The following TBX5 variants were observed in gnomAD, a reference collection of about 807,000 sequenced individuals.
TBX5 encodes the protein T-box transcription factor 5.
TBX5 carries 8 observed loss-of-function variants against 51.1 expected under a neutral mutation model. The ratio of observed to expected loss-of-function variants is 0.16; its 90% CI spans 0.09 to 0.28. The LOEUF is 0.28. TBX5 is among the 10% of genes least tolerant of loss of function. TBX5 has a pLI of 1.00. For missense variants in TBX5, 589 were observed against 671.7 expected (o/e 0.88, Z 1.36); for synonymous variants, 302 against 266.4 (o/e 1.13, Z -1.30).
chr12:114,356,975 C>A (rs906607251), intron 8 of TBX5, among the ~76,000 whole-genome samples: 12 of 149,706 alleles, frequency 8.0e-5, no homozygotes, highest in African/African-American at 3.0e-4. Context: ...AGAAAGCATG[C>A]AATAAATATT....
chr12:114,406,811 A>G (rs938966081), upstream of TBX5, among the ~76,000 whole-genome samples: 6 of 151,374 alleles, frequency 4.0e-5, no homozygotes, highest in East Asian at 7.8e-4. Flanking sequence ...TTTCATCTCC[A>G]CTGGTCTCCT....
chr12:114,392,880 G>A (rs558524961), intron 6 of TBX5, among the ~76,000 whole-genome samples: 39 of 152,240 alleles, frequency 2.6e-4, no homozygotes, highest in African/African-American at 6.0e-4. Flanking sequence ...TGGTTCAACA[G>A]GTGGAAGGAT....
intron 8 of TBX5, among the ~76,000 whole-genome samples, chr12:114,356,776 A>G (rs1868941324): frequency 6.6e-6 from 1 of 152,198 alleles, no homozygotes; most frequent in Admixed American, 6.5e-5. Context: ...AGGAAGTAAC[A>G]CATTTAATCA....
intron 3 of TBX5, 48 bp downstream of exon 3, chr12:114,401,778 T>C: frequency 3.8e-6 from 6 of 1,578,994 alleles, no homozygotes; most frequent in Non-Finnish European, 5.2e-6. Flanking sequence ...TCTTCACCTC[T>C]CCCACAATTT....
At chr12:114,400,621 C>T (rs1871749006) in intron 3 of TBX5, among the ~76,000 whole-genome samples, 1 of 152,230 alleles carries the variant, frequency 6.6e-6, no homozygotes, top group African/African-American at 2.4e-5. Flanking sequence ...GTTTATCAGC[C>T]TGAGCGAGCG....
At chr12:114,387,180 C>T (rs548665786) in intron 6 of TBX5, among the ~76,000 whole-genome samples, 1 of 152,118 alleles carries the variant, frequency 6.6e-6, no homozygotes, top group South Asian at 2.1e-4. Flanking sequence ...TTCAAGTATC[C>T]CTAAAAATCA....
At position 114,403,882 on chromosome 12, in the gene TBX5, T is replaced by C; in HGVS notation, c.17A>G (p.Glu6Gly). ...AGGCGTGTGCGCCAGGCCAAAGCCC[T>C]CGTCTGCGTCGGCCATGGTGCGCCC... MADAD[E>G]GFGLAHTPLE... The change falls in exon 2 of 9, where the codon GAG becomes GGG. Residue 6 changes from glutamate (E) to glycine (G), a missense_variant. By Grantham distance (98) the Glu-to-Gly change is moderately conservative. This residue lies in a region of TBX5 where 101 missense variants were observed against 83.3 expected (regional missense o/e 1.21). Transcript: ENST00000405440. The C allele has an allele frequency of 1.9e-6, 3 of 1,612,872 alleles. No individual in the cohort carries two copies. The highest frequency in any genetic ancestry group is 2.5e-6 in the Non-Finnish European group (3 of 1,179,866).
chr12:114,385,003 T>C (rs1393843407), intron 7 of TBX5, among the ~76,000 whole-genome samples: 3 of 151,628 alleles, frequency 2.0e-5, no homozygotes, highest in African/African-American at 7.3e-5. Flanking sequence ...CAGCTTCCAA[T>C]CCTCCAGTGC....
chr12:114,406,155 A>G, upstream of TBX5: 3 of 416,026 alleles, frequency 7.2e-6, no homozygotes, highest in Non-Finnish European at 9.7e-6. Context: ...GAAATCGCCT[A>G]TCCAACTAGC....
intron 8 of TBX5, among the ~76,000 whole-genome samples, chr12:114,364,562 C>A (rs2136371152): frequency 6.6e-6 from 1 of 152,172 alleles, no homozygotes; most frequent in African/African-American, 2.4e-5. Context: ...TTCTACAGAC[C>A]ACAGATGTAA....
chr12:114,395,355 G>C (rs1353838168), intron 5 of TBX5, among the ~76,000 whole-genome samples: 2 of 151,974 alleles, frequency 1.3e-5, no homozygotes, highest in African/African-American at 2.4e-5. Context: ...AGGGATGCAA[G>C]AGAAGATATC....
In TBX5 at chr12:114,354,137, A is replaced by G. The variant is rs939250279; in HGVS notation, c.*1395T>C. On this transcript the variant is annotated 3_prime_UTR_variant, in exon 9 of 9. Coordinates refer to ENST00000405440, the MANE Select transcript of TBX5 (RefSeq NM_181486.4). ...CTGTTCTCTTTATTAGGGTCTGTTT[A>G]TAAAAAAGGAAAAAAAAAATTCTTT... 1.6e-4 allele frequency: 11 copies of G among 68,534 alleles called. No homozygotes were observed. Among genetic ancestry groups the G allele is most frequent in the African/African-American group, 5.8e-4 (11 of 18,860 alleles). The allele number at this position is 68,534 out of a possible 1,614,324, so 4.2% of individuals were successfully genotyped here.
chr12:114,393,517 A>G (rs2136408777), intron 6 of TBX5, among the ~76,000 whole-genome samples: 1 of 152,264 alleles, frequency 6.6e-6, no homozygotes, highest in Non-Finnish European at 1.5e-5. Context: ...CCCACAATAA[A>G]ATGAATCCAC....
intron 1 of TBX5, among the ~76,000 whole-genome samples, chr12:114,405,177 G>A (rs138089974): frequency 2.0e-3 from 305 of 152,314 alleles, no homozygotes; most frequent in African/African-American, 7.0e-3. Flanking sequence ...GGGCCGAGGA[G>A]AAGGACAGCT....
chr12:114,396,042 C>G (rs931719841), intron 5 of TBX5, among the ~76,000 whole-genome samples: 1 of 152,108 alleles, frequency 6.6e-6, no homozygotes, highest in Admixed American at 6.5e-5. Flanking sequence ...CGGAGGTTGT[C>G]TCTGTGACTT....
intron 7 of TBX5, among the ~76,000 whole-genome samples, chr12:114,377,180 C>T (rs972780222): frequency 2.0e-5 from 3 of 152,118 alleles, no homozygotes; most frequent in Admixed American, 6.5e-5. Flanking sequence ...AATGTTGTCT[C>T]GAAAACCACT....
At chr12:114,380,094 AC>A (rs951985080) in intron 7 of TBX5, among the ~76,000 whole-genome samples, 5 of 151,166 alleles carry the variant, frequency 3.3e-5, no homozygotes, top group Non-Finnish European at 5.9e-5. Flanking sequence ...AGCCCAGAAA[AC>A]CCTTCTTCCC....
At chr12:114,387,072 C>T (rs191682606) in intron 6 of TBX5, among the ~76,000 whole-genome samples, 34 of 152,202 alleles carry the variant, frequency 2.2e-4, no homozygotes, top group African/African-American at 7.2e-4. Context: ...CACCACTGTA[C>T]TCTAGCTTGG....
At chr12:114,357,870 G>A (rs778325240) in intron 8 of TBX5, among the ~76,000 whole-genome samples, 1 of 152,158 alleles carries the variant, frequency 6.6e-6, no homozygotes, top group Non-Finnish European at 1.5e-5. Flanking sequence ...AAACACTGGG[G>A]CATCCATGCA....
Sources: allele counts gnomAD v4.1 joint callset (sites outside exome capture counted in the v4.1 genomes callset), GRCh38; gene constraint gnomAD v4.1.1; regional missense constraint gnomAD v4.1.1; transcripts MANE v1.5; gene names NCBI Gene and HGNC (gene_info 2026-07-23, HGNC 2026-07-21).